Variants in BRDT observed in about 807,000 individuals in gnomAD.
The protein encoded by BRDT is bromodomain testis-specific protein.
In BRDT, 77 loss-of-function variants were observed where a neutral mutation model predicts 113.9. The ratio of observed to expected loss-of-function variants is 0.68; its 90% CI spans 0.56 to 0.82. The LOEUF is 0.82. Ranked by LOEUF, BRDT falls within the 40% of genes least tolerant of loss-of-function variation. The probability of loss-of-function intolerance (pLI) is 0.00; values close to 1 mark genes in which losing one functional copy is unlikely to be tolerated. For synonymous variants in BRDT, 358 were observed against 366.5 expected, an observed-to-expected ratio of 0.98 and a Z score of 0.26; for missense variants, 1,027 against 1,105.4, an observed-to-expected ratio of 0.93 and a Z score of 1.01.
chr1:91,979,641 AC>A lies in BRDT; in HGVS notation c.1172del (p.Thr391LysfsTer58). The stretch of plus-strand genomic sequence containing the variant: ...GAGTATGCCTTTATGTTACATCAAA[AC>A]AGATATCACAGAAACCACTGGTAGA... ...VESMPLCYIK[T>X]DITETTGREN... On this transcript the variant is annotated frameshift_variant, in exon 8 of 19. Coordinates refer to ENST00000399546, the MANE Select transcript of BRDT (RefSeq NM_207189.4). LOFTEE classifies it high-confidence loss of function. 6.2e-7 allele frequency: 1 copy of A among 1,614,086 alleles called. No homozygotes were observed. The highest frequency in any genetic ancestry group is 8.5e-7 in the Non-Finnish European group (1 of 1,180,002).
intron 1 of BRDT, among the ~76,000 whole-genome samples, chr1:91,956,419 T>C (rs1396251320): frequency 2.0e-5 from 3 of 152,166 alleles, no homozygotes; most frequent in Non-Finnish European, 4.4e-5. Context: ...TAGGCCATTT[T>C]AGCACTGTCC....
At chr1:91,959,872 A>G (rs999574145) in intron 1 of BRDT, among the ~76,000 whole-genome samples, 69 of 152,148 alleles carry the variant, frequency 4.5e-4, no homozygotes, top group African/African-American at 1.6e-3. Flanking sequence ...AATTCATTTT[A>G]ATGTAGTAGT....
intron 8 of BRDT, 136 bp downstream of exon 8, chr1:91,979,893 TA>T: frequency 1.5e-6 from 1 of 659,340 alleles, no homozygotes; most frequent in Non-Finnish European, 2.4e-6. Context: ...GGCAAATTTG[TA>T]ATGTTTAATA....
chr1:91,994,725 G>A (rs1686115539), intron 15 of BRDT, among the ~76,000 whole-genome samples: 1 of 151,160 alleles, frequency 6.6e-6, no homozygotes, highest in Non-Finnish European at 1.5e-5. Flanking sequence ...AAAATTAGCC[G>A]GGCGCAGTGG....
Position 91,978,091 on chromosome 1 carries a change from A to G in BRDT, c.970-77A>G. Reference sequence around the variant, plus strand: ...CTGTATATTTGAATTATTTTGTAATATGAACATTTAATGTACGTGGTCAAA... The same window carrying G: ...CTGTATATTTGAATTATTTTGTAATGTGAACATTTAATGTACGTGGTCAAA... On this transcript the variant is annotated intron_variant, in intron 6 of 18. Coordinates refer to ENST00000399546, the MANE Select transcript of BRDT (RefSeq NM_207189.4). The G allele has an allele frequency of 6.1e-6, 8 of 1,318,870 alleles. No homozygotes were observed. The South Asian group carries it at 1.1e-4, about 19-fold the overall frequency. The allele number at this position is 1,318,870 out of a possible 1,614,324, so 81.7% of individuals were successfully genotyped here. A position where few individuals can be genotyped will look rare whatever the true frequency, so the allele number is the denominator to read the frequency against.
intron 3 of BRDT, among the ~76,000 whole-genome samples, chr1:91,965,942 G>C (rs1683025170): frequency 6.6e-6 from 1 of 152,132 alleles, no homozygotes; most frequent in African/African-American, 2.4e-5. Context: ...AAAGAGATCA[G>C]ATATGCTCTT....
chr1:91,973,776 C>G (rs1393486399), intron 4 of BRDT, among the ~76,000 whole-genome samples: 1 of 152,136 alleles, frequency 6.6e-6, no homozygotes, highest in Non-Finnish European at 1.5e-5. Flanking sequence ...TTATTTCTTT[C>G]TCCTGCCTGA....
intron 12 of BRDT, among the ~76,000 whole-genome samples, chr1:91,984,332 GAAC>G (rs1685000459): frequency 6.6e-6 from 1 of 150,932 alleles, no homozygotes; most frequent in African/African-American, 2.4e-5. Context: ...ACTTCCCTGG[GAAC>G]AACAACACAC....
chr1:91,968,145 G>A lies in BRDT; in HGVS notation c.331-1G>A. The A allele has an allele frequency of 6.2e-7, 1 of 1,613,602 alleles. No individual in the cohort carries two copies. Among genetic ancestry groups the A allele is most frequent in the Non-Finnish European group, 8.5e-7 (1 of 1,179,798 alleles). On this transcript the variant is annotated splice_acceptor_variant, in intron 3 of 18. Coordinates refer to ENST00000399546, the MANE Select transcript of BRDT (RefSeq NM_207189.4). LOFTEE classifies it high-confidence loss of function. ...TATGGTATATTTAATATATTTTGTA[G>A]CCTGGAGATGACATTGTTCTTATGG...
rs1030055886 is a variant in BRDT, at chr1:91,999,394, T to C, written c.2288-2655T>C. Among the ~76,000 whole-genome samples, 28 of 152,082 alleles carry C rather than the reference T, an allele frequency of 1.8e-4. 1 individual carries two copies. Among genetic ancestry groups the C allele is most frequent in the Non-Finnish European group, 4.0e-4 (27 of 68,024 alleles). On this transcript the variant is annotated intron_variant, in intron 15 of 18. Transcript: ENST00000399546. ...TCATGTAAAAATATTTTTCAGAGAG[T>C]TGGACCCTTGACATACTTCCTAGGC... is the stretch of plus-strand genomic sequence containing the variant.
intron 7 of BRDT, among the ~76,000 whole-genome samples, chr1:91,979,260 T>G (rs1684486333): frequency 6.6e-6 from 1 of 151,650 alleles, no homozygotes; most frequent in African/African-American, 2.4e-5. Flanking sequence ...ATTACAGGCA[T>G]GCGCCACCAC....
intron 4 of BRDT, among the ~76,000 whole-genome samples, chr1:91,969,667 T>C (rs1683417822): frequency 6.6e-6 from 1 of 152,106 alleles, no homozygotes; most frequent in African/African-American, 2.4e-5. Context: ...TATTATTTTT[T>C]CCATTTAATG....
At chr1:91,993,197 A>G (rs2101748084) in intron 14 of BRDT, among the ~76,000 whole-genome samples, 1 of 152,272 alleles carries the variant, frequency 6.6e-6, no homozygotes, top group South Asian at 2.1e-4. Context: ...AAACATTCCT[A>G]TAGCATTTGT....
chr1:91,969,977 T>C (rs1234464619), intron 4 of BRDT, among the ~76,000 whole-genome samples: 1 of 151,932 alleles, frequency 6.6e-6, no homozygotes, highest in East Asian at 1.9e-4. Context: ...TACAGGCGCA[T>C]GCCACCATGC....
intron 18 of BRDT, among the ~76,000 whole-genome samples, chr1:92,011,247 C>T (rs1687773543): frequency 2.6e-5 from 4 of 152,128 alleles, no homozygotes; most frequent in Admixed American, 2.6e-4. Context: ...GCAGTGTGAT[C>T]TTAGTGGAAC....
chr1:92,005,340 A>G (rs769740089), intron 18 of BRDT, 41 bp downstream of exon 18: 2 of 1,460,088 alleles, frequency 1.4e-6, no homozygotes, highest in South Asian at 1.6e-5. Context: ...TTAACAAGGG[A>G]AAGATTTAAC....
intron 12 of BRDT, among the ~76,000 whole-genome samples, chr1:91,987,103 A>G (rs1685321798): frequency 6.6e-6 from 1 of 152,000 alleles, no homozygotes; most frequent in Admixed American, 6.6e-5. Context: ...TATTTTTAGT[A>G]GAGAGTGGGT....
chr1:92,000,285 A>G (rs6700124), intron 15 of BRDT, among the ~76,000 whole-genome samples: 10,257 of 152,254 alleles, frequency 0.067, 409 homozygotes, highest in African/African-American at 0.098. Context: ...TTCACTTACC[A>G]TACATACTTT....
intron 4 of BRDT, among the ~76,000 whole-genome samples, chr1:91,973,332 G>A (rs1683809934): frequency 6.6e-6 from 1 of 152,114 alleles, no homozygotes; most frequent in South Asian, 2.1e-4. Flanking sequence ...GTCATTGGTA[G>A]CTTGATGGGG....
Sources: gnomAD v4.1 joint callset for allele counts (sites outside exome capture counted in the v4.1 genomes callset) on GRCh38, gnomAD v4.1.1 for gene constraint, MANE v1.5 for transcripts, NCBI Gene and HGNC (gene_info 2026-07-23, HGNC 2026-07-21) for gene names.